Variants in LIN52 observed in about 807,000 individuals in gnomAD.
LIN52 encodes lin-52 DREAM MuvB core complex component, also known as protein lin-52 homolog.
A neutral mutation model predicts 18.5 loss-of-function variants in LIN52; 4 were observed. The observed-to-expected ratio is 0.22, with a 90% CI of 0.11 to 0.49. LIN52 has a LOEUF of 0.49. LIN52 is among the 20% of genes least tolerant of loss of function. The pLI, the probability that LIN52 is intolerant of heterozygous loss-of-function variation, is 0.97. For missense variants in LIN52, 102 were observed against 139.5 expected, an observed-to-expected ratio of 0.73 and a Z score of 1.35; for synonymous variants, 34 against 45.5, an observed-to-expected ratio of 0.75 and a Z score of 1.02.
chr14:74,137,271 A>T (rs1449336582), intron 5 of LIN52, among the ~76,000 whole-genome samples: 3 of 150,730 alleles, frequency 2.0e-5, no homozygotes, highest in Non-Finnish European at 3.0e-5. Flanking sequence ...ATGCTTAAGA[A>T]CACATCTCCT....
chr14:74,130,467 AG>A (rs2061059212), intron 5 of LIN52, among the ~76,000 whole-genome samples: 2 of 150,770 alleles, frequency 1.3e-5, no homozygotes, highest in East Asian at 1.9e-4. Flanking sequence ...TAGTAGAGAC[AG>A]GGTTTCATCA....
Position 74,122,038 on chromosome 14 carries a change from G to T in LIN52, c.283+20800G>T, listed in dbSNP as rs543266845. On this transcript the variant is annotated intron_variant, in intron 5 of 5. Coordinates refer to ENST00000555028, the MANE Select transcript of LIN52 (RefSeq NM_001024674.3). Reference sequence around the variant, plus strand: ...CATGAGAAGAGGTTGAGGAAGAAAAGAATTCACACTAGTAATGTAGTATTT... The same window carrying T: ...CATGAGAAGAGGTTGAGGAAGAAAATAATTCACACTAGTAATGTAGTATTT... 9.2e-5 allele frequency among the ~76,000 whole-genome samples: 14 copies of T among 152,198 alleles called. No homozygotes were observed. The South Asian group carries it at 2.5e-3, about 27-fold the overall frequency.
chr14:74,109,844 T>C (rs904499931), intron 5 of LIN52, among the ~76,000 whole-genome samples: 1 of 152,250 alleles, frequency 6.6e-6, no homozygotes, highest in African/African-American at 2.4e-5. Flanking sequence ...GTTCTAATAA[T>C]GTTTTAGTAG....
chr14:74,086,764 G>A (rs1048725365), intron 1 of LIN52, among the ~76,000 whole-genome samples: 8 of 152,134 alleles, frequency 5.3e-5, no homozygotes, highest in Admixed American at 2.6e-4. Flanking sequence ...AGAAAGAAGG[G>A]CATTTAAAAA....
intron 5 of LIN52, among the ~76,000 whole-genome samples, chr14:74,162,562 T>TG (rs2061230853): frequency 6.6e-6 from 1 of 151,702 alleles, no homozygotes; most frequent in African/African-American, 2.4e-5. Flanking sequence ...ATTTTTTTAT[T>TG]GAAAAAAAAA....
In LIN52 at chr14:74,191,637, C is replaced by CT. The variant is rs535302894; in HGVS notation, c.284-7271dup. Among the ~76,000 whole-genome samples the CT allele has an allele frequency of 9.4e-3, 1,332 of 142,318 alleles. 15 individuals carry two copies. The highest frequency in any genetic ancestry group is 0.024 in the African/African-American group (923 of 38,960). 93.4% of individuals were successfully genotyped at this position (142,318 alleles called of 152,430 possible). A position where few individuals can be genotyped will look rare whatever the true frequency, so the allele number is the denominator to read the frequency against. ...TAAACTGGGGTTTTTTTCTTTCTTT[C>CT]TTTTTTTTTTTTTTGAGATGGAGCC... On this transcript the variant is annotated intron_variant, in intron 5 of 5. Transcript: ENST00000555028.
intron 5 of LIN52, among the ~76,000 whole-genome samples, chr14:74,104,591 A>AT (rs201667013): frequency 0.23 from 33,342 of 143,888 alleles, 3,989 homozygotes; most frequent in South Asian, 0.46. Context: ...TACAGGCTTG[A>AT]TTTTTTTTTT....
chr14:74,173,434 G>A (rs72627164), intron 5 of LIN52, among the ~76,000 whole-genome samples: 23,337 of 152,042 alleles, frequency 0.15, 2,305 homozygotes, highest in East Asian at 0.58. Context: ...TGATCCGCCC[G>A]CCTTGGCCTC....
intron 5 of LIN52, among the ~76,000 whole-genome samples, chr14:74,149,010 C>G (rs1011995983): frequency 1.3e-5 from 2 of 152,134 alleles, no homozygotes; most frequent in South Asian, 2.1e-4. Flanking sequence ...TCACAAAAAC[C>G]CTTAATTTTT....
chr14:74,124,632 GA>G (rs1459151088), intron 5 of LIN52, among the ~76,000 whole-genome samples: 3 of 151,878 alleles, frequency 2.0e-5, no homozygotes, highest in Admixed American at 2.0e-4. Context: ...GCAACATGAT[GA>G]AACCCCATCT....
At position 74,116,018 on chromosome 14, in the gene LIN52, A is replaced by T. The variant is rs137961455; in HGVS notation, c.283+14780A>T. On this transcript the variant is annotated intron_variant, in intron 5 of 5. Transcript: ENST00000555028. ...CTGCAGAAAGTGTGATAAATAAGAA[A>T]ATGGGCCAGGCATGGTGGCTCATGC... Among the ~76,000 whole-genome samples the T allele has an allele frequency of 6.2e-3, 941 of 152,180 alleles. 34 individuals are homozygous for T. Among genetic ancestry groups the T allele is most frequent in the Admixed American group, 0.039 (597 of 15,262 alleles).
At chr14:74,146,527 T>TA (rs1178397775) in intron 5 of LIN52, among the ~76,000 whole-genome samples, 1 of 152,162 alleles carries the variant, frequency 6.6e-6, no homozygotes, top group Non-Finnish European at 1.5e-5. Flanking sequence ...ACTCCTGTGT[T>TA]ACATTGACTT....
At chr14:74,139,414 G>T (rs2061116478) in intron 5 of LIN52, among the ~76,000 whole-genome samples, 1 of 152,208 alleles carries the variant, frequency 6.6e-6, no homozygotes. Context: ...CAGAATTAGT[G>T]ATTTTACAGG....
chr14:74,184,841 T>G (rs2061334297), intron 5 of LIN52, among the ~76,000 whole-genome samples: 1 of 152,212 alleles, frequency 6.6e-6, no homozygotes, highest in Non-Finnish European at 1.5e-5. Context: ...TATTCTTTTT[T>G]TCTTCAAAAT....
chr14:74,151,985 G>T (rs1043632558), intron 5 of LIN52, among the ~76,000 whole-genome samples: 4 of 152,152 alleles, frequency 2.6e-5, no homozygotes, highest in Admixed American at 2.0e-4. Flanking sequence ...GGCAGGGCGA[G>T]GTGGCTCACG....
At chr14:74,116,588 C>G (rs1159718646) in intron 5 of LIN52, among the ~76,000 whole-genome samples, 1 of 151,792 alleles carries the variant, frequency 6.6e-6, no homozygotes, top group Non-Finnish European at 1.5e-5. Context: ...CACCTGTAAT[C>G]CCAGCTACTC....
intron 5 of LIN52, among the ~76,000 whole-genome samples, chr14:74,170,752 TGA>T (rs1485328096): frequency 2.0e-5 from 3 of 151,674 alleles, no homozygotes; most frequent in Non-Finnish European, 4.4e-5. Context: ...AATTAAGTAC[TGA>T]GAGAAAAATA....
chr14:74,192,325 G>A (rs1400600569), intron 5 of LIN52, among the ~76,000 whole-genome samples: 2 of 152,116 alleles, frequency 1.3e-5, no homozygotes, highest in African/African-American at 4.8e-5. Flanking sequence ...TCACTCCGTT[G>A]ACCAGGCTGG....
At chr14:74,100,314 C>A (rs183986729) in intron 4 of LIN52, among the ~76,000 whole-genome samples, 2 of 151,884 alleles carry the variant, frequency 1.3e-5, no homozygotes, top group Admixed American at 1.3e-4. Context: ...TTATTTTTTT[C>A]TTTTTTTATT....
Sources: allele counts gnomAD v4.1 joint callset (sites outside exome capture counted in the v4.1 genomes callset), GRCh38; gene constraint gnomAD v4.1.1; transcripts MANE v1.5; gene names NCBI Gene and HGNC (gene_info 2026-07-23, HGNC 2026-07-21).